CASP10: variants seen among roughly 807,000 people sequenced by gnomAD.
CASP10 encodes caspase 10.
CASP10 carries 41 observed loss-of-function variants against 48.5 expected under a neutral mutation model. The observed-to-expected ratio is 0.85, with a 90% confidence interval of 0.66 to 1.10. CASP10 has a LOEUF of 1.10. Ranked by LOEUF, CASP10 falls within the 50% of genes least tolerant of loss-of-function variation. The pLI is 0.00. For missense variants in CASP10, 614 were observed against 614.5 expected, an observed-to-expected ratio of 1.00 and a Z score of 0.01; for synonymous variants, 232 against 238.4, an observed-to-expected ratio of 0.97 and a Z score of 0.25.
chr2:201,203,764 A>G lies in CASP10; in HGVS notation c.719A>G (p.Asn240Ser), dbSNP rs1171536532. The change falls in exon 6 of 10, where the codon AAT becomes AGT. Residue 240 changes from asparagine to serine, a missense_variant and splice_region_variant. By Grantham distance (46) the Asn-to-Ser change is conservative (BLOSUM62 1). Transcript: ENST00000286186. Reference protein sequence around the residue: ...ESWQNKHAGSNGNRATNGAPS... With the variant: ...ESWQNKHAGSSGNRATNGAPS... ...TGGCAAAATAAGCATGCAGGTAGTA[A>G]TGGTAGGTATTTCTAATGTACTTTT... The G allele has an allele frequency of 6.2e-7, 1 of 1,612,704 alleles. No individual in the cohort carries two copies. Among genetic ancestry groups the G allele is most frequent in the Non-Finnish European group, 8.5e-7 (1 of 1,178,854 alleles).
intron 5 of CASP10, among the ~76,000 whole-genome samples, chr2:201,199,018 A>T (rs942200296): frequency 5.9e-5 from 9 of 152,136 alleles, no homozygotes; most frequent in African/African-American, 1.9e-4. Context: ...CCTGTTGTTG[A>T]TGTTTTACCC....
chr2:201,200,903 G>A (rs998820586), intron 5 of CASP10, among the ~76,000 whole-genome samples: 1 of 152,056 alleles, frequency 6.6e-6, no homozygotes, highest in African/African-American at 2.4e-5. Flanking sequence ...TTGAGGTATT[G>A]AGGGAGAGAG....
chr2:201,188,086 T>C (rs912513738), intron 3 of CASP10, among the ~76,000 whole-genome samples: 6 of 152,206 alleles, frequency 3.9e-5, no homozygotes, highest in Non-Finnish European at 8.8e-5. Context: ...GAGAATTAGC[T>C]GGAATAATGT....
intron 9 of CASP10, among the ~76,000 whole-genome samples, chr2:201,211,844 T>C (rs1945405852): frequency 6.6e-6 from 1 of 152,236 alleles, no homozygotes; most frequent in Non-Finnish European, 1.5e-5. Flanking sequence ...CAACAGTGTG[T>C]AAGTGTTCCC....
At chr2:201,202,085 C>T (rs1945039340) in intron 5 of CASP10, among the ~76,000 whole-genome samples, 1 of 151,960 alleles carries the variant, frequency 6.6e-6, no homozygotes, top group South Asian at 2.1e-4. Context: ...CTCCTGACCT[C>T]AGGTGATCCA....
chr2:201,192,451 A>G (rs1944643509), intron 3 of CASP10, among the ~76,000 whole-genome samples: 1 of 151,874 alleles, frequency 6.6e-6, no homozygotes, highest in South Asian at 2.1e-4. Context: ...TTTGTTTCAG[A>G]AAATTCTTTT....
chr2:201,196,910 C>G (rs2126024650), intron 5 of CASP10, among the ~76,000 whole-genome samples: 1 of 152,190 alleles, frequency 6.6e-6, no homozygotes, highest in Non-Finnish European at 1.5e-5. Flanking sequence ...TTCAGGGTAC[C>G]TCATATAAGT....
At chr2:201,198,136 C>T (rs116762602) in intron 5 of CASP10, among the ~76,000 whole-genome samples, 2,839 of 151,932 alleles carry the variant, frequency 0.019, 61 homozygotes, top group South Asian at 0.029. Context: ...GTGCTTTTGG[C>T]GATTTGTATA....
intron 2 of CASP10, among the ~76,000 whole-genome samples, chr2:201,187,037 C>T (rs1336842986): frequency 2.0e-5 from 3 of 152,178 alleles, no homozygotes; most frequent in Non-Finnish European, 4.4e-5. Context: ...CATCAGAGAA[C>T]CTCACGAAGA....
At position 201,218,310 on chromosome 2, in the gene CASP10, G is replaced by T. The variant is rs1243400741; in HGVS notation, c.*569G>T. ...GAGTAATTGGCTTTGGTTTGTGCAG[G>T]TACTTTTTCTTTGAGACAGAGTCAC... On this transcript the variant is annotated 3_prime_UTR_variant, in exon 10 of 10. Transcript: ENST00000286186. 2.0e-5 allele frequency: 20 copies of T among 993,310 alleles called. No individual in the cohort carries two copies. The highest frequency in any genetic ancestry group is 2.4e-5 in the Non-Finnish European group (20 of 835,250). 61.5% of individuals were successfully genotyped at this position (993,310 alleles called of 1,614,324 possible).
chr2:201,187,211 C>T (rs1414038924), intron 2 of CASP10, among the ~76,000 whole-genome samples: 1 of 152,164 alleles, frequency 6.6e-6, no homozygotes, highest in East Asian at 1.9e-4. Flanking sequence ...GAGGGACAGT[C>T]TCTGACACAT....
chr2:201,186,933 G>A (rs976297331), intron 2 of CASP10, among the ~76,000 whole-genome samples: 10 of 152,044 alleles, frequency 6.6e-5, no homozygotes, highest in Non-Finnish European at 1.0e-4. Context: ...AGTGATCCAC[G>A]CACCTCGGCC....
In CASP10 at chr2:201,208,158, C is replaced by A; in HGVS notation, c.897C>A (p.Asp299Glu). ...ACCACAGCTTTACCTCCCTGAAGGA[C>A]AGACAAGGAACCCATAAAGATGCTG... ...VNNHSFTSLK[D>E]RQGTHKDAEI... Residue 299 changes from aspartate (D) to glutamate (E), a missense_variant, in exon 8 of 10, where the codon GAC (aspartate) becomes GAA (glutamate). Asp to Glu is a conservative substitution (Grantham distance 45, BLOSUM62 2). Coordinates refer to ENST00000286186, the MANE Select transcript of CASP10 (RefSeq NM_032977.4). The A allele has an allele frequency of 6.2e-7, 1 of 1,613,976 alleles. No homozygotes were observed. The highest frequency in any genetic ancestry group is 8.5e-7 in the Non-Finnish European group (1 of 1,179,890).
rs952565992 is a variant in CASP10 at position 201,220,221 on chromosome 2, C to T, written c.*2480C>T. ...CACCGCCACTTTAAGTTCCAGTTCC[C>T]TTTCTAGCCTCATGCATTTCAAGGA... On this transcript the variant is annotated 3_prime_UTR_variant, in exon 10 of 10. Transcript: ENST00000286186. 2.4e-6 allele frequency: 2 copies of T among 836,612 alleles called. No individual in the cohort carries two copies. The highest frequency in any genetic ancestry group is 3.7e-5 in the African/African-American group (2 of 54,204). The allele number at this position is 836,612 out of a possible 1,614,324, so 51.8% of individuals were successfully genotyped here.
At chr2:201,205,569 C>G (rs1945173814) in intron 6 of CASP10, among the ~76,000 whole-genome samples, 1 of 152,054 alleles carries the variant, frequency 6.6e-6, no homozygotes, top group Non-Finnish European at 1.5e-5. Flanking sequence ...GTCCACCTAG[C>G]CTCTTTATAT....
chr2:201,219,320 A>G lies in CASP10; in HGVS notation c.*1579A>G. ...GAACATTTCAGTTGCCATTGACAGA[A>G]CACCCAATTCAAATTGACTGAAGCA... On this transcript the variant is annotated 3_prime_UTR_variant, in exon 10 of 10. Coordinates refer to ENST00000286186, the MANE Select transcript of CASP10 (RefSeq NM_032977.4). 1 of 475,634 alleles carries G rather than the reference A, an allele frequency of 2.1e-6. No homozygotes were observed. Among genetic ancestry groups the G allele is most frequent in the Non-Finnish European group, 2.7e-6 (1 of 364,594 alleles). The allele number at this position is 475,634 out of a possible 1,614,324, so 29.5% of individuals were successfully genotyped here. A position where few individuals can be genotyped will look rare whatever the true frequency, so the allele number is the denominator to read the frequency against.
At chr2:201,197,226 C>A (rs1391020038) in intron 5 of CASP10, among the ~76,000 whole-genome samples, 1 of 152,098 alleles carries the variant, frequency 6.6e-6, no homozygotes, top group Non-Finnish European at 1.5e-5. Flanking sequence ...ATCCTCCCGC[C>A]TTATCCTCCC....
downstream of CASP10, among the ~76,000 whole-genome samples, chr2:201,226,171 A>G (rs1420055359): frequency 6.6e-6 from 1 of 152,252 alleles, no homozygotes; most frequent in South Asian, 2.1e-4. Context: ...ACCAGTAATT[A>G]AAAGGAAATA....
intron 3 of CASP10, among the ~76,000 whole-genome samples, chr2:201,190,919 T>C (rs1023251015): frequency 2.6e-5 from 4 of 152,102 alleles, no homozygotes; most frequent in Admixed American, 2.0e-4. Context: ...TGGAGTGCAA[T>C]GGTGCCATCT....
Sources: allele counts gnomAD v4.1 joint callset (sites outside exome capture counted in the v4.1 genomes callset), GRCh38; gene constraint gnomAD v4.1.1; transcripts MANE v1.5; gene names NCBI Gene and HGNC (gene_info 2026-07-23, HGNC 2026-07-21).